The following PEX5L variants were observed in gnomAD, a reference collection of about 807,000 sequenced individuals.
The protein encoded by PEX5L is PEX5-related protein.
Under a neutral mutation model 84.0 loss-of-function variants are expected in PEX5L, and 30 were observed. The ratio of observed to expected loss-of-function variants is 0.36; its 90% confidence interval spans 0.27 to 0.48. The LOEUF (loss-of-function observed/expected upper bound fraction) is 0.48, where lower values mean the gene tolerates loss of function less well. Among genes scored for constraint, PEX5L ranks in the 20% least tolerant of loss-of-function variants. PEX5L has a pLI of 0.99. For missense variants in PEX5L, 533 were observed against 754.6 expected (o/e 0.71, Z 3.44); for synonymous variants, 270 against 283.1 (o/e 0.95, Z 0.46).
chr3:179,939,763 C>T (rs1431062860), intron 2 of PEX5L, among the ~76,000 whole-genome samples: 1 of 152,166 alleles, frequency 6.6e-6, no homozygotes, highest in Non-Finnish European at 1.5e-5. Context: ...GGCCCCCCCA[C>T]TGAGTGAGCA....
At chr3:179,962,532 CACTCCTTCCCCTATTAAGGT>C (rs1164617390) in intron 2 of PEX5L, among the ~76,000 whole-genome samples, 1 of 152,202 alleles carries the variant, frequency 6.6e-6, no homozygotes, top group Non-Finnish European at 1.5e-5. Flanking sequence ...TAATCATACA[CACTCCTTCCCCTATTAAGGT>C]GACTAGAAAT....
chr3:179,872,190 T>C (rs1750641930), intron 7 of PEX5L, among the ~76,000 whole-genome samples: 1 of 152,226 alleles, frequency 6.6e-6, no homozygotes, highest in Admixed American at 6.5e-5. Context: ...AGCCAGATTT[T>C]TCTTTTAACA....
chr3:179,917,944 C>A (rs1337540282), intron 2 of PEX5L, among the ~76,000 whole-genome samples: 1 of 152,180 alleles, frequency 6.6e-6, no homozygotes, highest in Non-Finnish European at 1.5e-5. Flanking sequence ...AAGGTGTGAG[C>A]CACTGCGCCT....
intron 8 of PEX5L, among the ~76,000 whole-genome samples, chr3:179,849,489 T>C (rs972540668): frequency 4.6e-5 from 7 of 152,268 alleles, no homozygotes; most frequent in Admixed American, 1.3e-4. Flanking sequence ...AAAATTAGAC[T>C]GAGGACCTAC....
intron 1 of PEX5L, among the ~76,000 whole-genome samples, chr3:179,981,176 G>A (rs1459515622): frequency 6.6e-6 from 1 of 152,182 alleles, no homozygotes; most frequent in Non-Finnish European, 1.5e-5. Flanking sequence ...CTGGAACAGA[G>A]TTGCCCAGGG....
chr3:179,805,423 A>G (rs1720922889), intron 14 of PEX5L, among the ~76,000 whole-genome samples: 1 of 152,192 alleles, frequency 6.6e-6, no homozygotes, highest in African/African-American at 2.4e-5. Context: ...CTTGTATAAA[A>G]TAGCATAATA....
chr3:179,879,511 G>A (rs915258311), intron 5 of PEX5L, among the ~76,000 whole-genome samples: 2 of 152,172 alleles, frequency 1.3e-5, no homozygotes, highest in Non-Finnish European at 2.9e-5. Flanking sequence ...TTATTGTATG[G>A]CATGTATTCC....
intron 1 of PEX5L, among the ~76,000 whole-genome samples, chr3:179,998,725 T>A (rs959892243): frequency 1.3e-5 from 2 of 152,118 alleles, no homozygotes; most frequent in African/African-American, 2.4e-5. Context: ...CATCATCAAA[T>A]GAAAGTGGTA....
Position 179,796,478 on chromosome 3 carries a change from T to C in PEX5L, c.*5350A>G, listed in dbSNP as rs962312286. 2.6e-5 allele frequency: 4 copies of C among 151,496 alleles called. No individual in the cohort carries two copies. The highest frequency in any genetic ancestry group is 7.2e-5 in the African/African-American group (3 of 41,388). The allele number at this position is 151,496 out of a possible 1,614,324, so 9.4% of individuals were successfully genotyped here. On this transcript the variant is annotated 3_prime_UTR_variant, in exon 15 of 15. Transcript: ENST00000467460. ...ACTTCGTTCAAGGCAAAATACCACATGAGAGGTTGTTAAACCTCACAGTTT... is the reference window on the plus strand; with the variant it reads ...ACTTCGTTCAAGGCAAAATACCACACGAGAGGTTGTTAAACCTCACAGTTT...
rs77817904 is a variant in PEX5L, at chr3:179,938,167, C to T, written c.93+33427G>A. 7.4e-3 allele frequency among the ~76,000 whole-genome samples: 1,120 copies of T among 152,166 alleles called. 11 individuals carry two copies. The highest frequency in any genetic ancestry group is 0.025 in the African/African-American group (1,045 of 41,502). On this transcript the variant is annotated intron_variant, in intron 2 of 14. Coordinates refer to ENST00000467460, the MANE Select transcript of PEX5L (RefSeq NM_016559.3). ...TCTGCAGAGGTGAACATACAAAATG[C>T]GGCACACCTTCTCAAATGGAGATTC...
At chr3:180,026,842 G>C (rs1579403377) in intron 1 of PEX5L, among the ~76,000 whole-genome samples, 1 of 151,950 alleles carries the variant, frequency 6.6e-6, no homozygotes, top group Admixed American at 6.6e-5. Context: ...AACATGTTAC[G>C]GTGGACATTC....
chr3:179,872,216 T>A (rs1309487919), intron 7 of PEX5L, among the ~76,000 whole-genome samples: 1 of 152,204 alleles, frequency 6.6e-6, no homozygotes, highest in East Asian at 1.9e-4. Flanking sequence ...TTGTCTTTTA[T>A]TACAGGTAGA....
intron 14 of PEX5L, among the ~76,000 whole-genome samples, chr3:179,802,252 A>T (rs1035550740): frequency 1.3e-5 from 2 of 152,164 alleles, no homozygotes; most frequent in African/African-American, 4.8e-5. Flanking sequence ...AAAGAAAAGC[A>T]GGCTGGACAT....
intron 1 of PEX5L, among the ~76,000 whole-genome samples, chr3:179,992,429 CA>C (rs1441325065): frequency 6.6e-6 from 1 of 152,116 alleles, no homozygotes; most frequent in Non-Finnish European, 1.5e-5. Flanking sequence ...TTTATTTTAT[CA>C]GGATTAAAAA....
chr3:179,919,384 T>TG (rs1157194776), intron 2 of PEX5L, among the ~76,000 whole-genome samples: 1 of 152,174 alleles, frequency 6.6e-6, no homozygotes, highest in Non-Finnish European at 1.5e-5. Context: ...TTTAGGCTTG[T>TG]GAAAACCTTT....
At chr3:179,852,040 T>C (rs1204478818) in intron 8 of PEX5L, among the ~76,000 whole-genome samples, 1 of 152,138 alleles carries the variant, frequency 6.6e-6, no homozygotes, top group African/African-American at 2.4e-5. Flanking sequence ...GGAGTAGTTA[T>C]CGAATGCTGC....
intron 8 of PEX5L, among the ~76,000 whole-genome samples, chr3:179,830,449 G>A (rs1057077579): frequency 6.6e-6 from 1 of 152,156 alleles, no homozygotes; most frequent in Non-Finnish European, 1.5e-5. Context: ...GCAAGGCAAG[G>A]ATTCTGAAAA....
At chr3:179,882,688 C>T (rs998354279) in intron 4 of PEX5L, among the ~76,000 whole-genome samples, 5 of 152,148 alleles carry the variant, frequency 3.3e-5, no homozygotes, top group Non-Finnish European at 7.3e-5. Flanking sequence ...CAAAGACAGC[C>T]CTGGTATGGT....
chr3:179,877,737 T>G (rs1459877668), intron 5 of PEX5L, among the ~76,000 whole-genome samples: 1 of 152,208 alleles, frequency 6.6e-6, no homozygotes, highest in Non-Finnish European at 1.5e-5. Context: ...GGATTACAGA[T>G]ATGAGCCACT....
Sources: allele counts gnomAD v4.1 joint callset (sites outside exome capture counted in the v4.1 genomes callset), GRCh38; gene constraint gnomAD v4.1.1; transcripts MANE v1.5; gene names NCBI Gene and HGNC (gene_info 2026-07-23, HGNC 2026-07-21).